CSMD1: variants seen among roughly 807,000 people sequenced by gnomAD.
CSMD1 encodes the protein CUB and Sushi multiple domains 1, also known as CUB and sushi domain-containing protein 1.
CSMD1 carries 213 observed loss-of-function variants against 417.5 expected under a neutral mutation model. That is an observed-to-expected ratio of 0.51 (90% CI 0.46 to 0.57). The LOEUF (loss-of-function observed/expected upper bound fraction) is 0.57. Ranked by LOEUF, CSMD1 falls within the 20% of genes least tolerant of loss-of-function variation. The pLI is 0.00. For synonymous variants in CSMD1, 2,862 were observed against 1,736.8 expected, an observed-to-expected ratio of 1.65 and a Z score of -16.11; for missense variants, 6,923 against 4,529.7, an observed-to-expected ratio of 1.53 and a Z score of -15.17.
At chr8:3,376,633 T>G (rs1810323343) in intron 18 of CSMD1, among the ~76,000 whole-genome samples, 2 of 152,128 alleles carry the variant, frequency 1.3e-5, no homozygotes. Flanking sequence ...TTCTTTGCGT[T>G]TGTCTTTCAC....
chr8:4,252,641 AC>A lies in CSMD1; in HGVS notation c.415+167311del, dbSNP rs376234865. Among the ~76,000 whole-genome samples the A allele has an allele frequency of 1.8e-4, 28 of 152,334 alleles. No homozygotes were observed. In the East Asian group the frequency reaches 4.2e-3, roughly 23 times the overall value. The stretch of plus-strand genomic sequence containing the variant: ...CCCAAATATAGTCTCCAGAAGTAAC[AC>A]CCAGTTTAAAAATGGAACAGGCTTT... On this transcript the variant is annotated intron_variant, in intron 3 of 69. Transcript: ENST00000635120.
intron 3 of CSMD1, among the ~76,000 whole-genome samples, chr8:4,222,318 G>A (rs1031420560): frequency 1.3e-5 from 2 of 152,000 alleles, no homozygotes; most frequent in African/African-American, 4.8e-5. Flanking sequence ...GGAAAACTTG[G>A]GGGATACAGT....
intron 5 of CSMD1, among the ~76,000 whole-genome samples, chr8:3,766,201 C>T (rs1271712158): frequency 6.6e-6 from 1 of 152,180 alleles, no homozygotes; most frequent in African/African-American, 2.4e-5. Flanking sequence ...GGAATGAGGC[C>T]AGCACAGTGG....
chr8:4,478,529 T>G (rs1455933321), intron 2 of CSMD1, among the ~76,000 whole-genome samples: 5 of 152,202 alleles, frequency 3.3e-5, no homozygotes, highest in African/African-American at 1.2e-4. Flanking sequence ...AAAGAAAATT[T>G]AATACACTGC....
chr8:3,809,135 C>A (rs1800917695), intron 5 of CSMD1, among the ~76,000 whole-genome samples: 1 of 152,120 alleles, frequency 6.6e-6, no homozygotes, highest in South Asian at 2.1e-4. Context: ...TTGGGAATAT[C>A]TTCCTCTTTC....
intron 5 of CSMD1, among the ~76,000 whole-genome samples, chr8:3,794,468 C>T (rs922757244): frequency 1.3e-5 from 2 of 152,050 alleles, no homozygotes; most frequent in African/African-American, 2.4e-5. Flanking sequence ...CCAATTAAAT[C>T]AACAAATAGT....
rs117512702 is a variant in CSMD1, at chr8:4,093,493, T to C, written c.416-61394A>G. 3.2e-4 allele frequency among the ~76,000 whole-genome samples: 49 copies of C among 152,344 alleles called. 2 individuals carry two copies. In the East Asian group the frequency reaches 9.1e-3, roughly 28 times the overall value. ...TTAAATAGAAGTTACATAGATGTTA[T>C]GTTAGCTCATGATTCAAAGGAATAT... On this transcript the variant is annotated intron_variant, in intron 3 of 69. Transcript: ENST00000635120.
intron 1 of CSMD1, among the ~76,000 whole-genome samples, chr8:4,691,155 A>G (rs980020447): frequency 1.3e-5 from 2 of 152,232 alleles, no homozygotes; most frequent in African/African-American, 4.8e-5. Context: ...AAGGGAAGGA[A>G]GTGAAGGAAT....
chr8:4,586,104 G>C (rs1448329002), intron 2 of CSMD1, among the ~76,000 whole-genome samples: 5 of 152,188 alleles, frequency 3.3e-5, no homozygotes, highest in Non-Finnish European at 7.3e-5. Flanking sequence ...GTAATGATGA[G>C]ATCAGGGTAA....
At chr8:4,372,622 A>G (rs1195052457) in intron 3 of CSMD1, among the ~76,000 whole-genome samples, 1 of 117,902 alleles carries the variant, frequency 8.5e-6, no homozygotes, top group Non-Finnish European at 1.8e-5. Context: ...TCAGAAAGTA[A>G]GGAAGTGTTA....
chr8:3,951,920 C>A (rs2129883247), intron 5 of CSMD1, among the ~76,000 whole-genome samples: 1 of 150,596 alleles, frequency 6.6e-6, no homozygotes, highest in South Asian at 2.1e-4. Context: ...AACCAGTTTC[C>A]CAGAAAAAAA....
At chr8:4,342,810 G>T (rs1028368167) in intron 3 of CSMD1, among the ~76,000 whole-genome samples, 1 of 151,712 alleles carries the variant, frequency 6.6e-6, no homozygotes, top group East Asian at 1.9e-4. Flanking sequence ...GTTCGTTCCT[G>T]CCACAACATC....
At position 3,079,896 on chromosome 8, in the gene CSMD1, T is replaced by G. The variant is rs948630235; in HGVS notation, c.7474+7201A>C. On this transcript the variant is annotated intron_variant, in intron 49 of 69. Coordinates refer to ENST00000635120, the MANE Select transcript of CSMD1 (RefSeq NM_033225.6). Reference sequence around the variant, plus strand: ...CACAGACATATCCACGTGCATCCTCTGTCCCCTCCACCCAGCTCTTTGCAC... The same window carrying G: ...CACAGACATATCCACGTGCATCCTCGGTCCCCTCCACCCAGCTCTTTGCAC... Among the ~76,000 whole-genome samples, 2 of 152,202 alleles carry G rather than the reference T, an allele frequency of 1.3e-5. 1 individual carries two copies. Among genetic ancestry groups the G allele is most frequent in the South Asian group, 4.1e-4 (2 of 4,832 alleles).
chr8:3,249,388 A>AT (rs954550000), intron 26 of CSMD1, among the ~76,000 whole-genome samples: 7 of 152,076 alleles, frequency 4.6e-5, no homozygotes, highest in South Asian at 2.1e-4. Context: ...ACGCTCGGCT[A>AT]TTTTTTTGTA....
intron 3 of CSMD1, among the ~76,000 whole-genome samples, chr8:4,337,472 G>A (rs903602633): frequency 6.6e-6 from 1 of 152,042 alleles, no homozygotes; most frequent in Non-Finnish European, 1.5e-5. Flanking sequence ...ACTGTGATGG[G>A]ATCTCTGCTT....
At chr8:4,170,122 C>A (rs1315673350) in intron 3 of CSMD1, among the ~76,000 whole-genome samples, 2 of 151,788 alleles carry the variant, frequency 1.3e-5, no homozygotes, top group African/African-American at 4.9e-5. Context: ...TTTCTCCCTC[C>A]AGGGGCTTCT....
In CSMD1 at chr8:4,320,207, T is replaced by A. The variant is rs532551133; in HGVS notation, c.415+99746A>T. Among the ~76,000 whole-genome samples, 45 of 152,178 alleles carry A rather than the reference T, an allele frequency of 3.0e-4. No individual in the cohort carries two copies. The South Asian group carries it at 7.7e-3, about 26-fold the overall frequency. On this transcript the variant is annotated intron_variant, in intron 3 of 69. Transcript: ENST00000635120. ...ACTTAACAAGGTAAAATGTGTGATA[T>A]CTCGCATCTAAGCAAAAATTACCAG...
At chr8:3,841,592 A>C (rs1343097375) in intron 5 of CSMD1, among the ~76,000 whole-genome samples, 1 of 152,094 alleles carries the variant, frequency 6.6e-6, no homozygotes, top group Non-Finnish European at 1.5e-5. Flanking sequence ...AAATATTAGC[A>C]CTAGAAAGGA....
chr8:3,298,306 G>C (rs1212163145), intron 25 of CSMD1, among the ~76,000 whole-genome samples: 3 of 152,190 alleles, frequency 2.0e-5, no homozygotes, highest in Non-Finnish European at 2.9e-5. Flanking sequence ...AGCACAGTTT[G>C]CATTAACTCC....
Sources: allele counts gnomAD v4.1 joint callset (sites outside exome capture counted in the v4.1 genomes callset), GRCh38; gene constraint gnomAD v4.1.1; transcripts MANE v1.5; gene names NCBI Gene and HGNC (gene_info 2026-07-23, HGNC 2026-07-21).